Variants in ZDHHC11B observed in about 807,000 individuals in gnomAD.
ZDHHC11B encodes the protein probable palmitoyltransferase ZDHHC11B.
ZDHHC11B carries 17 observed loss-of-function variants against 42.3 expected under a neutral mutation model. That is an observed-to-expected ratio of 0.40 (90% confidence interval 0.27 to 0.60). The LOEUF is 0.60. Ranked by LOEUF, ZDHHC11B falls within the 20% of genes least tolerant of loss-of-function variation. The pLI is 0.41. For missense variants in ZDHHC11B, 262 were observed against 463.2 expected (o/e 0.57, Z 3.99); for synonymous variants, 123 against 193.5 (o/e 0.64, Z 3.02).
chr5:730,266 G>A (rs1180847890), intron 12 of ZDHHC11B, among the ~76,000 whole-genome samples, 168 bp downstream of exon 12: 1 of 151,830 alleles, frequency 6.6e-6, no homozygotes, highest in African/African-American at 2.4e-5. Context: ...TAAGATCAGT[G>A]CAATAAGCCA....
chr5:753,331 T>C (rs1430046706), intron 6 of ZDHHC11B, among the ~76,000 whole-genome samples: 1 of 129,868 alleles, frequency 7.7e-6, no homozygotes, highest in East Asian at 3.0e-4. Flanking sequence ...AGAAGCGAGG[T>C]TGGCACAGAT....
rs1373735209 is a variant in ZDHHC11B, at chr5:716,729, G to C, written c.*7+72C>G. ...GAGTTTGCACTGGTGATTTTTTAAA[G>C]AAGATATTTCACTCTCTAGAGAACC... is the stretch of plus-strand genomic sequence containing the variant. On this transcript the variant is annotated intron_variant, in intron 13 of 13. Transcript: ENST00000508859. 1.9e-6 allele frequency: 3 copies of C among 1,592,346 alleles called. No individual in the cohort carries two copies. In the East Asian group the frequency reaches 6.7e-5, roughly 36 times the overall value.
At chr5:717,374 T>C (rs1437883013) in intron 12 of ZDHHC11B, among the ~76,000 whole-genome samples, 4 of 151,710 alleles carry the variant, frequency 2.6e-5, no homozygotes, top group African/African-American at 7.3e-5. Context: ...TTATGTGTGC[T>C]GGGCAGCTGG....
chr5:745,726 G>A (rs1484751625), intron 8 of ZDHHC11B, among the ~76,000 whole-genome samples: 12 of 150,034 alleles, frequency 8.0e-5, no homozygotes, highest in Non-Finnish European at 1.5e-4. Flanking sequence ...GAGGGTCCAG[G>A]TGGCCTGTGG....
chr5:744,333 T>G (rs1328839085), intron 9 of ZDHHC11B, among the ~76,000 whole-genome samples: 3 of 149,586 alleles, frequency 2.0e-5, no homozygotes, highest in Non-Finnish European at 1.5e-5. Flanking sequence ...AGTTGGGAAG[T>G]GTTGCTTCCT....
intron 1 of ZDHHC11B, among the ~76,000 whole-genome samples, chr5:774,403 A>G (rs1307519595): frequency 2.0e-5 from 3 of 152,320 alleles, no homozygotes; most frequent in African/African-American, 7.2e-5. Context: ...CTCTGTCACT[A>G]GGAACAGGGG....
chr5:732,755 C>T (rs1743117911), intron 11 of ZDHHC11B: 1 of 377,682 alleles, frequency 2.6e-6, no homozygotes, highest in Admixed American at 3.1e-5. Context: ...TGTGGCCTGG[C>T]ATGGAGGCTC....
intron 13 of ZDHHC11B, among the ~76,000 whole-genome samples, chr5:713,734 T>C (rs1211014152): frequency 2.0e-5 from 3 of 152,172 alleles, no homozygotes; most frequent in African/African-American, 7.2e-5. Flanking sequence ...ATTTTTCTCT[T>C]TTTCTTTCAG....
intron 13 of ZDHHC11B, among the ~76,000 whole-genome samples, chr5:713,499 T>C (rs980847732): frequency 2.0e-5 from 3 of 152,038 alleles, no homozygotes; most frequent in African/African-American, 7.3e-5. Flanking sequence ...TTTTCACATG[T>C]GGTGGGTTGT....
intron 7 of ZDHHC11B, among the ~76,000 whole-genome samples, chr5:749,178 C>T (rs2127078966): frequency 7.7e-6 from 1 of 130,040 alleles, no homozygotes; most frequent in Admixed American, 8.9e-5. Flanking sequence ...CCTCATGGCC[C>T]ACGCTGTGTC....
At chr5:777,498 C>T (rs1736615153) in intron 1 of ZDHHC11B, among the ~76,000 whole-genome samples, 1 of 151,846 alleles carries the variant, frequency 6.6e-6, no homozygotes, top group African/African-American at 2.4e-5. Flanking sequence ...AGATTTATTG[C>T]TAAGAGCAAA....
In ZDHHC11B at chr5:711,921, G is replaced by A. The variant is rs923721623; in HGVS notation, c.*369C>T. 2 of 63,386 alleles carry A rather than the reference G, an allele frequency of 3.2e-5. 1 individual carries two copies. Among genetic ancestry groups the A allele is most frequent in the Non-Finnish European group, 6.5e-5 (2 of 31,000 alleles). 3.9% of individuals were successfully genotyped at this position (63,386 alleles called of 1,614,324 possible). On this transcript the variant is annotated 3_prime_UTR_variant, in exon 14 of 14. Coordinates refer to ENST00000508859, the MANE Select transcript of ZDHHC11B (RefSeq NM_001351303.2). ...TCACAGGTGTGAGCCAACATGCCCG[G>A]CCCATCAGCTCTTAAGCAGCAAGAG...
intron 4 of ZDHHC11B, among the ~76,000 whole-genome samples, chr5:757,383 CGGGTCCTGCACCAGGCCAGGGG>C (rs1734011877): frequency 6.6e-6 from 1 of 151,944 alleles, no homozygotes; most frequent in Non-Finnish European, 1.5e-5. Flanking sequence ...GCCAGCAGGG[CGGGTCCTGCACCAGGCCAGGGG>C]GCTGCTGTCC....
intron 10 of ZDHHC11B, among the ~76,000 whole-genome samples, chr5:738,936 T>G (rs1743835533): frequency 6.6e-6 from 1 of 150,968 alleles, no homozygotes; most frequent in Non-Finnish European, 1.5e-5. Flanking sequence ...TAGATGCAAT[T>G]TATCTTAATT....
chr5:732,224 G>A (rs1400209482), intron 11 of ZDHHC11B: 1 of 160,144 alleles, frequency 6.2e-6, no homozygotes, highest in African/African-American at 2.4e-5. Flanking sequence ...AACCGACGGT[G>A]TCATTTTCAT....
Position 748,560 on chromosome 5 carries a change from C to T in ZDHHC11B, c.629-1G>A. On this transcript the variant is annotated splice_acceptor_variant, in intron 7 of 13. Transcript: ENST00000508859. LOFTEE classifies it high-confidence loss of function. ...AGCCACGTGTTCATATTCTTGACATCTGGGGAGACAAGGGAGAGACACTGT... is the reference window on the plus strand; with the variant it reads ...AGCCACGTGTTCATATTCTTGACATTTGGGGAGACAAGGGAGAGACACTGT... 2 of 1,362,630 alleles carry T rather than the reference C, an allele frequency of 1.5e-6. No individual in the cohort carries two copies. Among genetic ancestry groups the T allele is most frequent in the East Asian group, 3.5e-5 (1 of 28,926 alleles). The allele number at this position is 1,362,630 out of a possible 1,614,324, so 84.4% of individuals were successfully genotyped here.
chr5:714,979 C>A (rs1397111106), intron 13 of ZDHHC11B, among the ~76,000 whole-genome samples: 21 of 151,274 alleles, frequency 1.4e-4, no homozygotes, highest in African/African-American at 5.1e-4. Context: ...CGCCTCCTCT[C>A]TCTCCATGTG....
intron 7 of ZDHHC11B, among the ~76,000 whole-genome samples, chr5:748,847 C>G (rs1745196397): frequency 7.7e-6 from 1 of 130,230 alleles, no homozygotes; most frequent in African/African-American, 2.5e-5. Flanking sequence ...TCTGGGGTCA[C>G]AGGGCCCACC....
intron 9 of ZDHHC11B, among the ~76,000 whole-genome samples, chr5:743,524 T>C (rs1744402351): frequency 6.7e-6 from 1 of 148,862 alleles, no homozygotes; most frequent in Non-Finnish European, 1.5e-5. Context: ...TTTAATAGTA[T>C]TTTTTTCCAA....
Sources: allele counts gnomAD v4.1 joint callset (sites outside exome capture counted in the v4.1 genomes callset), GRCh38; gene constraint gnomAD v4.1.1; transcripts MANE v1.5; gene names NCBI Gene and HGNC (gene_info 2026-07-23, HGNC 2026-07-21).